Variants in SCRN1 observed in about 807,000 individuals in gnomAD.
SCRN1 encodes the protein secernin 1, also known as secernin-1.
In SCRN1, 19 loss-of-function variants were observed where a neutral mutation model predicts 43.3. The observed-to-expected ratio is 0.44, with a 90% CI of 0.31 to 0.64. The LOEUF (loss-of-function observed/expected upper bound fraction) is 0.64, where lower values mean the gene tolerates loss of function less well. SCRN1 is among the 30% of genes least tolerant of loss of function. SCRN1 has a pLI of 0.09. For synonymous variants in SCRN1, 183 were observed against 188.9 expected (o/e 0.97, Z 0.26); for missense variants, 447 against 524.1 (o/e 0.85, Z 1.44).
chr7:29,929,633 G>A (rs538241122), intron 6 of SCRN1, among the ~76,000 whole-genome samples: 51 of 152,236 alleles, frequency 3.4e-4, no homozygotes, highest in Non-Finnish European at 7.1e-4. Context: ...AACTGGGCTG[G>A]GACTTGGAAC....
chr7:29,974,723 G>T (rs1386520240), intron 1 of SCRN1, among the ~76,000 whole-genome samples: 1 of 137,686 alleles, frequency 7.3e-6, no homozygotes, highest in Admixed American at 8.0e-5. Flanking sequence ...TTGCTCTGTC[G>T]CCCAGGCTGG....
intron 3 of SCRN1, among the ~76,000 whole-genome samples, chr7:29,954,119 T>C (rs747703418): frequency 5.3e-5 from 8 of 152,154 alleles, no homozygotes; most frequent in Non-Finnish European, 1.0e-4. Context: ...TGATCACTCA[T>C]TACAGGCCAG....
intron 6 of SCRN1, among the ~76,000 whole-genome samples, chr7:29,929,987 C>G (rs908013568): frequency 6.6e-6 from 1 of 151,648 alleles, no homozygotes; most frequent in African/African-American, 2.4e-5. Context: ...TAAGTTTGTC[C>G]CTCTCATCTA....
In SCRN1 at chr7:29,933,610, G is replaced by T. The variant is rs1787230264; in HGVS notation, c.905+2946C>A. ...CACACATGTTGATGTGATGGAATTT[G>T]CCTTCTCAATATAATTAAGTGAAGA... On this transcript the variant is annotated intron_variant, in intron 6 of 7. Coordinates refer to ENST00000242059, the MANE Select transcript of SCRN1 (RefSeq NM_014766.5). 2.6e-5 allele frequency among the ~76,000 whole-genome samples: 4 copies of T among 152,282 alleles called. No individual in the cohort carries two copies. The South Asian group carries it at 8.3e-4, about 32-fold the overall frequency.
intron 1 of SCRN1, among the ~76,000 whole-genome samples, chr7:29,977,803 AGGT>A (rs1168829543): frequency 6.6e-6 from 1 of 152,250 alleles, no homozygotes; most frequent in Non-Finnish European, 1.5e-5. Context: ...GGATAATGAT[AGGT>A]AGTTCATTCT....
At chr7:29,964,627 T>A (rs1398932088) in intron 2 of SCRN1, among the ~76,000 whole-genome samples, 3 of 152,060 alleles carry the variant, frequency 2.0e-5, no homozygotes, top group Non-Finnish European at 4.4e-5. Context: ...ACACAGAGTA[T>A]AAACTATGAA....
intron 1 of SCRN1, among the ~76,000 whole-genome samples, chr7:29,983,203 T>C (rs993645342): frequency 1.3e-5 from 2 of 151,058 alleles, no homozygotes; most frequent in Non-Finnish European, 2.9e-5. Context: ...TATAGTTTTC[T>C]TTACAGGGAT....
upstream of SCRN1, chr7:29,990,197 G>A (rs1431417359): frequency 1.3e-6 from 2 of 1,551,638 alleles, no homozygotes; most frequent in Non-Finnish European, 1.7e-6. Flanking sequence ...TGACTCGCAC[G>A]TCCAAGTCGA....
intron 5 of SCRN1, among the ~76,000 whole-genome samples, chr7:29,938,457 C>G (rs1221706789): frequency 6.6e-6 from 1 of 152,222 alleles, no homozygotes; most frequent in Non-Finnish European, 1.5e-5. Flanking sequence ...TAAACTGGCC[C>G]CAAAACTGGC....
At chr7:29,975,547 G>A (rs1788800179) in intron 1 of SCRN1, among the ~76,000 whole-genome samples, 1 of 152,202 alleles carries the variant, frequency 6.6e-6, no homozygotes, top group Non-Finnish European at 1.5e-5. Context: ...TAGAAAGCAT[G>A]TATGCATCTC....
intron 3 of SCRN1, among the ~76,000 whole-genome samples, chr7:29,951,432 A>G (rs1312761295): frequency 6.6e-6 from 1 of 152,154 alleles, no homozygotes; most frequent in African/African-American, 2.4e-5. Flanking sequence ...CAGCAGCCCG[A>G]CCAAAACTCA....
intron 1 of SCRN1, chr7:29,969,288 T>C (rs1788594803): frequency 3.6e-6 from 2 of 551,680 alleles, no homozygotes; most frequent in South Asian, 4.7e-5. Flanking sequence ...TGGGATTAAA[T>C]GAGCTCAGAT....
intron 5 of SCRN1, among the ~76,000 whole-genome samples, chr7:29,938,067 C>T (rs3793248): frequency 0.27 from 41,561 of 151,696 alleles, 5,851 homozygotes; most frequent in Middle Eastern, 0.33. Flanking sequence ...CTCGTTCTGT[C>T]CCCCAGGCAG....
rs113841455 is a variant in SCRN1, at chr7:29,933,837, C to T, written c.905+2719G>A. On this transcript the variant is annotated intron_variant, in intron 6 of 7. Coordinates refer to ENST00000242059, the MANE Select transcript of SCRN1 (RefSeq NM_014766.5). ...ACAAGTGTCCAGGCAGGCAGAACAA[C>T]GGTAAGATCACGTTTTTTGGTTTTA... is the stretch of plus-strand genomic sequence containing the variant. Among the ~76,000 whole-genome samples, 9 of 152,234 alleles carry T rather than the reference C, an allele frequency of 5.9e-5. 1 individual carries two copies. The highest frequency in any genetic ancestry group is 1.2e-4 in the African/African-American group (5 of 41,536).
intron 1 of SCRN1, among the ~76,000 whole-genome samples, chr7:29,979,605 C>T (rs189906617): frequency 1.2e-4 from 18 of 152,284 alleles, no homozygotes; most frequent in African/African-American, 4.3e-4. Context: ...GCAAGAACTC[C>T]TCCATACCCA....
At chr7:29,984,615 A>C (rs974530972) in intron 1 of SCRN1, among the ~76,000 whole-genome samples, 18 of 152,202 alleles carry the variant, frequency 1.2e-4, no homozygotes, top group African/African-American at 4.3e-4. Flanking sequence ...GAAAATATTT[A>C]TCTCACTCAC....
At chr7:29,959,870 C>T (rs1788249251) in intron 2 of SCRN1, among the ~76,000 whole-genome samples, 1 of 151,044 alleles carries the variant, frequency 6.6e-6, no homozygotes, top group South Asian at 2.1e-4. Flanking sequence ...ACACTTCTGA[C>T]TCCATACAAG....
chr7:29,987,932 T>C (rs1789212021), intron 1 of SCRN1, among the ~76,000 whole-genome samples: 1 of 152,164 alleles, frequency 6.6e-6, no homozygotes, highest in Admixed American at 6.5e-5. Context: ...CCCCCGACCT[T>C]AGCTCATCCT....
At chr7:29,981,696 G>T (rs1788996589) in intron 1 of SCRN1, among the ~76,000 whole-genome samples, 1 of 152,158 alleles carries the variant, frequency 6.6e-6, no homozygotes, top group African/African-American at 2.4e-5. Flanking sequence ...TTGGGTGAGG[G>T]CCCTGATGAC....
Sources: gnomAD v4.1 joint callset for allele counts (sites outside exome capture counted in the v4.1 genomes callset) on GRCh38, gnomAD v4.1.1 for gene constraint, MANE v1.5 for transcripts, NCBI Gene and HGNC (gene_info 2026-07-23, HGNC 2026-07-21) for gene names.